The following KATNIP variants were observed in gnomAD, a reference collection of about 807,000 sequenced individuals.
KATNIP encodes katanin-interacting protein.
In KATNIP, 126 loss-of-function variants were observed where a neutral mutation model predicts 174.0. That is an observed-to-expected ratio of 0.72 (90% CI 0.63 to 0.84). KATNIP has a LOEUF of 0.84. KATNIP is among the 40% of genes least tolerant of loss of function. The pLI is 0.00. For missense variants in KATNIP, 1,958 were observed against 2,109.7 expected, an observed-to-expected ratio of 0.93 and a Z score of 1.41; for synonymous variants, 810 against 835.7, an observed-to-expected ratio of 0.97 and a Z score of 0.53.
At chr16:27,619,514 G>A (rs1567502065) in intron 3 of KATNIP, among the ~76,000 whole-genome samples, 1 of 152,148 alleles carries the variant, frequency 6.6e-6, no homozygotes, top group East Asian at 1.9e-4. Flanking sequence ...TCTGGGGTAG[G>A]GAGGTGTCAT....
intron 14 of KATNIP, among the ~76,000 whole-genome samples, chr16:27,728,635 G>T (rs2080542549): frequency 6.6e-6 from 1 of 152,096 alleles, no homozygotes; most frequent in South Asian, 2.1e-4. Context: ...TTGCCATGTT[G>T]GCCAGGCTGG....
intron 8 of KATNIP, among the ~76,000 whole-genome samples, chr16:27,683,043 C>G (rs1323140016): frequency 2.0e-5 from 3 of 152,162 alleles, no homozygotes; most frequent in African/African-American, 7.2e-5. Context: ...GAAATAAATT[C>G]CTTTCCTTTT....
At chr16:27,717,131 T>C (rs1680032714) in intron 13 of KATNIP, among the ~76,000 whole-genome samples, 1 of 152,174 alleles carries the variant, frequency 6.6e-6, no homozygotes, top group South Asian at 2.1e-4. Context: ...TGTGAGCCAC[T>C]GCGCCCAGCC....
rs1183762300 is a variant in KATNIP, at chr16:27,707,088, G to A, written c.1390-1617G>A. Among the ~76,000 whole-genome samples the A allele has an allele frequency of 3.3e-5, 5 of 152,120 alleles. No homozygotes were observed. In the East Asian group the frequency reaches 7.7e-4, roughly 23 times the overall value. Reference sequence around the variant, plus strand: ...CCTCCTCCCTATCCGCGTTCCCACCGTGTGGCAATCAAGGCCCCTCCAAAC... The same window carrying A: ...CCTCCTCCCTATCCGCGTTCCCACCATGTGGCAATCAAGGCCCCTCCAAAC... On this transcript the variant is annotated intron_variant, in intron 12 of 27. Transcript: ENST00000261588.
intron 18 of KATNIP, among the ~76,000 whole-genome samples, chr16:27,756,767 T>C (rs146102676): frequency 2.6e-5 from 4 of 152,316 alleles, no homozygotes; most frequent in East Asian, 1.9e-4. Flanking sequence ...AGGGAACTTA[T>C]TGGCTTATGC....
At chr16:27,632,221 G>A (rs2076509777) in intron 5 of KATNIP, among the ~76,000 whole-genome samples, 2 of 152,174 alleles carry the variant, frequency 1.3e-5, no homozygotes, top group Admixed American at 1.3e-4. Flanking sequence ...TCACACACTT[G>A]GAAAGGAAAG....
At chr16:27,565,696 A>C (rs2090059875) in intron 1 of KATNIP, among the ~76,000 whole-genome samples, 1 of 151,672 alleles carries the variant, frequency 6.6e-6, no homozygotes, top group Admixed American at 6.6e-5. Flanking sequence ...AGGTGGGAGA[A>C]TGGCTTGAGC....
intron 8 of KATNIP, among the ~76,000 whole-genome samples, chr16:27,695,671 A>G (rs889205446): frequency 6.0e-4 from 92 of 152,362 alleles, no homozygotes; most frequent in African/African-American, 2.1e-3. Flanking sequence ...CAGTGCCAAG[A>G]ACAGAGCCTG....
At chr16:27,573,158 T>C (rs1288122093) in intron 1 of KATNIP, among the ~76,000 whole-genome samples, 7 of 152,228 alleles carry the variant, frequency 4.6e-5, no homozygotes, top group Non-Finnish European at 1.0e-4. Flanking sequence ...AAATAGCCAC[T>C]GGGGAGTAAA....
chr16:27,671,848 G>T (rs1261704787), intron 6 of KATNIP, among the ~76,000 whole-genome samples: 1 of 152,094 alleles, frequency 6.6e-6, no homozygotes, highest in African/African-American at 2.4e-5. Context: ...CTGAAGTCGG[G>T]AGTTCAAGAC....
chr16:27,560,284 A>G (rs866335592), intron 1 of KATNIP, among the ~76,000 whole-genome samples: 209 of 130,194 alleles, frequency 1.6e-3, no homozygotes, highest in Middle Eastern at 3.6e-3. Context: ...TCTGTCTCAG[A>G]AAAAAAAAAA....
intron 6 of KATNIP, among the ~76,000 whole-genome samples, chr16:27,676,650 G>T (rs1038972411): frequency 2.6e-5 from 4 of 152,020 alleles, no homozygotes; most frequent in Non-Finnish European, 4.4e-5. Flanking sequence ...CAAACATACT[G>T]GTTTGCCCAA....
intron 22 of KATNIP, 152 bp downstream of exon 22, chr16:27,771,804 T>G: frequency 1.4e-6 from 1 of 709,234 alleles, no homozygotes; most frequent in Non-Finnish European, 2.3e-6. Context: ...GCCTCCTGGG[T>G]CCTCAGGGCC....
At chr16:27,772,973 A>G (rs1307031142) in intron 22 of KATNIP, 126 bp from the exon 23 acceptor site, 1 of 617,476 alleles carries the variant, frequency 1.6e-6, no homozygotes, top group African/African-American at 1.8e-5. Flanking sequence ...AGTTGCAATA[A>G]GAGAAAAATG....
chr16:27,635,928 A>G (rs2076621927), intron 5 of KATNIP, among the ~76,000 whole-genome samples: 1 of 152,124 alleles, frequency 6.6e-6, no homozygotes, highest in Non-Finnish European at 1.5e-5. Flanking sequence ...CCGAGGAAGG[A>G]GGATCACCTG....
chr16:27,705,847 T>TA (rs34588756), intron 12 of KATNIP, among the ~76,000 whole-genome samples: 2 of 151,964 alleles, frequency 1.3e-5, no homozygotes, highest in Admixed American at 6.6e-5. Flanking sequence ...GGCTGTTTTT[T>TA]AAAAAAATTT....
intron 15 of KATNIP, among the ~76,000 whole-genome samples, chr16:27,747,785 AC>A (rs1597365719): frequency 6.6e-6 from 1 of 152,060 alleles, no homozygotes; most frequent in Non-Finnish European, 1.5e-5. Flanking sequence ...GTGGCAGAGC[AC>A]CTGAGCGAAA....
chr16:27,606,002 C>T (rs537287741), intron 2 of KATNIP, among the ~76,000 whole-genome samples: 89 of 152,134 alleles, frequency 5.9e-4, no homozygotes, highest in African/African-American at 1.9e-3. Flanking sequence ...TGGTGGCAGA[C>T]GCCTGTAGTC....
chr16:27,646,757 AG>A (rs146363419), intron 5 of KATNIP, among the ~76,000 whole-genome samples: 2,414 of 152,334 alleles, frequency 0.016, 62 homozygotes, highest in African/African-American at 0.054. Flanking sequence ...CACAAGTAAC[AG>A]TGGCTTCAAC....
Sources: allele counts gnomAD v4.1 joint callset (sites outside exome capture counted in the v4.1 genomes callset), GRCh38; gene constraint gnomAD v4.1.1; transcripts MANE v1.5; gene names NCBI Gene and HGNC (gene_info 2026-07-23, HGNC 2026-07-21).